Variants in CCDC178 observed in about 807,000 individuals in gnomAD.
The protein encoded by CCDC178 is coiled-coil domain containing 178.
A neutral mutation model predicts 117.4 loss-of-function variants in CCDC178; 126 were observed. The ratio of observed to expected loss-of-function variants is 1.07; its 90% CI spans 0.93 to 1.24. CCDC178 has a LOEUF of 1.24. CCDC178 is among the 50% of genes most tolerant of loss of function. The pLI is 0.00. For synonymous variants in CCDC178, 283 were observed against 313.4 expected, an observed-to-expected ratio of 0.90 and a Z score of 1.02; for missense variants, 1,030 against 986.9, an observed-to-expected ratio of 1.04 and a Z score of -0.59.
intron 21 of CCDC178, among the ~76,000 whole-genome samples, chr18:33,006,566 C>T (rs572950515): frequency 1.2e-4 from 18 of 152,082 alleles, no homozygotes; most frequent in Admixed American, 5.9e-4. Flanking sequence ...AGGGAGAGTT[C>T]CAAGATGATT....
At chr18:32,977,338 A>G (rs1269839167) in intron 21 of CCDC178, among the ~76,000 whole-genome samples, 2 of 152,290 alleles carry the variant, frequency 1.3e-5, no homozygotes, top group African/African-American at 4.8e-5. Context: ...AAAGACTGCT[A>G]GAAACACCCA....
chr18:33,108,229 A>G (rs1262622397), intron 20 of CCDC178, among the ~76,000 whole-genome samples: 1 of 151,634 alleles, frequency 6.6e-6, no homozygotes, highest in Non-Finnish European at 1.5e-5. Flanking sequence ...AAACATATCT[A>G]TGTCATTATT....
At chr18:32,992,883 G>A (rs1458260394) in intron 21 of CCDC178, among the ~76,000 whole-genome samples, 1 of 152,036 alleles carries the variant, frequency 6.6e-6, no homozygotes, top group Non-Finnish European at 1.5e-5. Context: ...AAGGATGTTG[G>A]GGCCAGGCAC....
At chr18:33,178,111 A>G (rs953127865) in intron 20 of CCDC178, among the ~76,000 whole-genome samples, 2 of 152,110 alleles carry the variant, frequency 1.3e-5, no homozygotes, top group Non-Finnish European at 2.9e-5. Context: ...TCAACATCTT[A>G]CATCTCTGCT....
At chr18:33,392,110 C>T (rs1255449890) in intron 4 of CCDC178, among the ~76,000 whole-genome samples, 1 of 152,028 alleles carries the variant, frequency 6.6e-6, no homozygotes, top group Non-Finnish European at 1.5e-5. Context: ...GGTGATCCGC[C>T]CGCCTTGGCC....
At chr18:33,161,237 T>G (rs1482584613) in intron 20 of CCDC178, among the ~76,000 whole-genome samples, 2 of 152,134 alleles carry the variant, frequency 1.3e-5, no homozygotes, top group African/African-American at 4.8e-5. Flanking sequence ...AGGAAATGCT[T>G]CAGAACACTG....
intron 14 of CCDC178, among the ~76,000 whole-genome samples, chr18:33,262,840 T>A (rs2059767581): frequency 6.6e-6 from 1 of 152,188 alleles, no homozygotes; most frequent in Non-Finnish European, 1.5e-5. Flanking sequence ...TTTGAACATT[T>A]ACTAAATGTC....
intron 7 of CCDC178, among the ~76,000 whole-genome samples, chr18:33,354,138 T>C (rs2063018820): frequency 6.6e-6 from 1 of 152,186 alleles, no homozygotes; most frequent in Admixed American, 6.5e-5. Flanking sequence ...CAATTCCTAA[T>C]GAACAATTCA....
chr18:33,323,185 T>TA (rs2062537507), intron 11 of CCDC178: 1 of 168,952 alleles, frequency 5.9e-6, no homozygotes, highest in Non-Finnish European at 1.3e-5. Context: ...TTAAAATAGT[T>TA]ACTTTTGCAC....
chr18:32,983,157 T>A (rs1370418551), intron 21 of CCDC178: 1 of 570,324 alleles, frequency 1.8e-6, no homozygotes, highest in Non-Finnish European at 3.0e-6. Flanking sequence ...AAAAACCACT[T>A]CTCAGTACAC....
At chr18:33,122,643 A>T (rs1403499742) in intron 20 of CCDC178, among the ~76,000 whole-genome samples, 6 of 152,138 alleles carry the variant, frequency 3.9e-5, no homozygotes, top group Admixed American at 2.6e-4. Context: ...CCATGGACAG[A>T]TGATAAATGA....
chr18:33,045,672 A>G (rs1165562025), intron 21 of CCDC178, among the ~76,000 whole-genome samples: 1 of 152,214 alleles, frequency 6.6e-6, no homozygotes, highest in African/African-American at 2.4e-5. Flanking sequence ...GTATTAGATT[A>G]TTCTCATTTC....
At chr18:33,376,353 A>C (rs189017989) in intron 5 of CCDC178, among the ~76,000 whole-genome samples, 174 of 152,310 alleles carry the variant, frequency 1.1e-3, no homozygotes, top group Admixed American at 2.4e-3. Context: ...CTACTGTAAC[A>C]AAATGATAAG....
At chr18:33,284,790 C>A (rs962807997) in intron 12 of CCDC178, among the ~76,000 whole-genome samples, 2 of 152,030 alleles carry the variant, frequency 1.3e-5, no homozygotes, top group Non-Finnish European at 2.9e-5. Context: ...GGGGCAGATC[C>A]CGACTGGAAT....
intron 20 of CCDC178, among the ~76,000 whole-genome samples, chr18:33,117,879 T>A (rs2057880707): frequency 6.6e-6 from 1 of 152,038 alleles, no homozygotes; most frequent in Admixed American, 6.6e-5. Context: ...GTATTGTAGT[T>A]TTCCATTGAC....
At chr18:33,261,070 GT>G (rs879622129) in intron 14 of CCDC178, among the ~76,000 whole-genome samples, 4 of 108,622 alleles carry the variant, frequency 3.7e-5, no homozygotes, top group Admixed American at 1.1e-4. Flanking sequence ...TAATATCAGG[GT>G]TTTTTTTTTC....
intron 12 of CCDC178, among the ~76,000 whole-genome samples, chr18:33,268,534 T>C (rs2059847713): frequency 1.3e-5 from 2 of 151,818 alleles, no homozygotes; most frequent in South Asian, 4.1e-4. Flanking sequence ...GAGTAATCAA[T>C]AAGATTTCAC....
intron 21 of CCDC178, among the ~76,000 whole-genome samples, chr18:33,066,096 C>T (rs1598846033): frequency 1.3e-5 from 2 of 151,864 alleles, no homozygotes; most frequent in African/African-American, 2.4e-5. Context: ...CTCCTGACCT[C>T]GTGATCCACC....
At chr18:33,329,874 A>AGTGTGTGTGT (rs764565977) in intron 10 of CCDC178, among the ~76,000 whole-genome samples, 119 of 75,436 alleles carry the variant, frequency 1.6e-3, no homozygotes, top group Non-Finnish European at 2.1e-3. Flanking sequence ...GAGAATTATT[A>AGTGTGTGTGT]GAGTGTGTGT....
Sources: gnomAD v4.1 joint callset for allele counts (sites outside exome capture counted in the v4.1 genomes callset) on GRCh38, gnomAD v4.1.1 for gene constraint, MANE v1.5 for transcripts, NCBI Gene and HGNC (gene_info 2026-07-23, HGNC 2026-07-21) for gene names.